Variants in PXN observed in about 807,000 individuals in gnomAD.
PXN encodes testicular tissue protein Li 134.
PXN carries 61 observed loss-of-function variants against 103.6 expected under a neutral mutation model. That is an observed-to-expected ratio of 0.59 (90% CI 0.48 to 0.73). PXN has a LOEUF of 0.73. PXN is among the 30% of genes least tolerant of loss of function. The pLI is 0.00. For synonymous variants in PXN, 562 were observed against 607.8 expected (o/e 0.92, Z 1.11); for missense variants, 1,274 against 1,460.3 (o/e 0.87, Z 2.08).
intron 1 of PXN, among the ~76,000 whole-genome samples, chr12:120,258,099 A>G (rs1893302935): frequency 6.6e-6 from 1 of 152,058 alleles, no homozygotes; most frequent in Non-Finnish European, 1.5e-5. Context: ...AGGCTGAGGC[A>G]CAAGAATCAC....
chr12:120,215,734 G>A lies in PXN; in HGVS notation c.2302-73C>T. 2.1e-6 allele frequency: 3 copies of A among 1,437,662 alleles called. No homozygotes were observed. The highest frequency in any genetic ancestry group is 1.9e-6 in the Non-Finnish European group (2 of 1,076,798). The allele number at this position is 1,437,662 out of a possible 1,614,324, so 89.1% of individuals were successfully genotyped here. On this transcript the variant is annotated intron_variant, in intron 9 of 14. Transcript: ENST00000637617. The surrounding 1 kb of genome is among the most constrained non-coding windows in gnomAD (Gnocchi z 4.9). Reference sequence around the variant, plus strand: ...AGAAAGAATACAAGACCTTGTCACTGGACTAAAAGGGAATCTAGGATGAGA... The same window carrying A: ...AGAAAGAATACAAGACCTTGTCACTAGACTAAAAGGGAATCTAGGATGAGA...
Position 120,265,139 on chromosome 12 carries a change from G to A in PXN, c.13+478C>T, listed in dbSNP as rs775674672. ...GGGGGCGGCCCTGGAGGGACGGGGA[G>A]CAGGTCGAGGAAATGAGGGAGCAGC... On this transcript the variant is annotated intron_variant, in intron 1 of 14. Transcript: ENST00000637617. This position sits in a 1 kb window ranked among gnomAD's most constrained non-coding sequence, Gnocchi z 5.7. Among the ~76,000 whole-genome samples the A allele has an allele frequency of 6.6e-6, 1 of 151,588 alleles. No individual in the cohort carries two copies. The highest frequency in any genetic ancestry group is 1.5e-5 in the Non-Finnish European group (1 of 67,902).
At chr12:120,246,857 A>T (rs1056294437) in intron 1 of PXN, among the ~76,000 whole-genome samples, 2 of 150,546 alleles carry the variant, frequency 1.3e-5, no homozygotes, top group African/African-American at 4.9e-5. Context: ...TCTGTCTTAA[A>T]AAAAAAAAAA....
chr12:120,258,925 C>T (rs1015357343), intron 1 of PXN, among the ~76,000 whole-genome samples: 1 of 151,562 alleles, frequency 6.6e-6, no homozygotes, highest in Non-Finnish European at 1.5e-5. Flanking sequence ...AAAAATTAGC[C>T]AGGCGTGGTG....
rs750672632 is a variant in PXN at position 120,217,126 on chromosome 12, G to GGGGGA, written c.1717-15_1717-11dup. ...TGATCACAGATCGGATCTAGGGGGA[G>GGGGGA]GGGGAGGGGAGGCTGTCACCGTCCC... On this transcript the variant is annotated splice_polypyrimidine_tract_variant and intron_variant, in intron 7 of 14. Transcript: ENST00000637617. The surrounding 1 kb of genome is among the most constrained non-coding windows in gnomAD (Gnocchi z 4.1). 1.9e-6 allele frequency: 3 copies of GGGGGA among 1,573,578 alleles called. No homozygotes were observed. Among genetic ancestry groups the GGGGGA allele is most frequent in the Non-Finnish European group, 2.6e-6 (3 of 1,167,280 alleles).
At position 120,229,900 on chromosome 12, in the gene PXN, C is replaced by T. The variant is rs901325505; in HGVS notation, c.14-5523G>A. On this transcript the variant is annotated intron_variant, in intron 1 of 14. Transcript: ENST00000637617. The surrounding 1 kb of genome is among the most constrained non-coding windows in gnomAD (Gnocchi z 4.0). ...TGCCACACCAGCCCCAGCGCCAGGG[C>T]CCCGTGGTCCCTGCCCACCTTTGCC... Among the ~76,000 whole-genome samples the T allele has an allele frequency of 1.1e-4, 16 of 152,188 alleles. No individual in the cohort carries two copies. The highest frequency in any genetic ancestry group is 3.9e-4 in the African/African-American group (16 of 41,436).
chr12:120,230,582 T>C (rs925866597), intron 1 of PXN, among the ~76,000 whole-genome samples: 1 of 152,234 alleles, frequency 6.6e-6, no homozygotes, highest in African/African-American at 2.4e-5. Context: ...TTGGTGAGAC[T>C]CTTCCAGATT....
chr12:120,224,240 G>C lies in PXN; in HGVS notation c.151C>G (p.Pro51Ala). 1 of 1,612,182 alleles carries C rather than the reference G, an allele frequency of 6.2e-7. No individual in the cohort carries two copies. The change falls in exon 2 of 15, where the codon CCA becomes GCA. Residue 51 changes from proline to alanine, a missense_variant. Physicochemically the swap from Pro to Ala is conservative, Grantham distance 27. Transcript: ENST00000637617. The surrounding 1 kb of genome is among the most constrained non-coding windows in gnomAD (Gnocchi z 5.0). Reference sequence around the variant, plus strand: ...TTGAGGGCCTCGCTGGACGGGGGTGGGGGGACGGGGGGTGGCACGGCAATC... The same window carrying C: ...TTGAGGGCCTCGCTGGACGGGGGTGCGGGGACGGGGGGTGGCACGGCAATC... ...QEIAVPPPVPPPPSSEALNGT... is the reference protein window; with the variant it reads ...QEIAVPPPVPAPPSSEALNGT...
In PXN at chr12:120,220,881, G is replaced by T. The variant is rs1884929907; in HGVS notation, c.831+742C>A. ...CATATTCCCTAGGTCATGCCCCAAA[G>T]GTCTCCAGCTGACCCACGTGGAAGT... On this transcript the variant is annotated intron_variant, in intron 6 of 14. Transcript: ENST00000637617. The surrounding 1 kb of genome is among the most constrained non-coding windows in gnomAD (Gnocchi z 6.1). Among the ~76,000 whole-genome samples, 1 of 152,188 alleles carries T rather than the reference G, an allele frequency of 6.6e-6. No individual in the cohort carries two copies. Among genetic ancestry groups the T allele is most frequent in the Non-Finnish European group, 1.5e-5 (1 of 68,038 alleles).
At chr12:120,251,924 T>C (rs1892258765) in intron 1 of PXN, among the ~76,000 whole-genome samples, 1 of 152,142 alleles carries the variant, frequency 6.6e-6, no homozygotes. Context: ...ACGATAACCA[T>C]CACCAGTTAC....
chr12:120,243,514 A>G lies in PXN; in HGVS notation c.14-19137T>C, dbSNP rs576145176. ...AGACCAGACTGGGCAACACAGCAAG[A>G]CCCTGTCTCTACAAAAAATTTTTAA... On this transcript the variant is annotated intron_variant, in intron 1 of 14. Coordinates refer to ENST00000637617, the MANE Select transcript of PXN (RefSeq NM_001385981.1). 2.0e-5 allele frequency among the ~76,000 whole-genome samples: 3 copies of G among 152,250 alleles called. No homozygotes were observed. In the East Asian group the frequency reaches 5.8e-4, roughly 29 times the overall value.
At chr12:120,241,729 C>T (rs535816770) in intron 1 of PXN, among the ~76,000 whole-genome samples, 13 of 152,274 alleles carry the variant, frequency 8.5e-5, no homozygotes, top group South Asian at 6.2e-4. Flanking sequence ...GCTCAGAGTG[C>T]AAGTCCCAGC....
chr12:120,253,758 A>G (rs539351783), intron 1 of PXN, among the ~76,000 whole-genome samples: 1 of 152,380 alleles, frequency 6.6e-6, no homozygotes, highest in South Asian at 2.1e-4. Context: ...CAGCCTTAAA[A>G]AGGGAGATTC....
In PXN at chr12:120,222,879, C is replaced by A. The variant is rs374969563; in HGVS notation, c.477G>T (p.Pro159=). Residue 159 remains proline, a synonymous_variant, in exon 4 of 15, where the codon CCG becomes CCT. Transcript: ENST00000637617. This position sits in a 1 kb window ranked among gnomAD's most constrained non-coding sequence, Gnocchi z 4.7. ...CGGTCCTACCTGCAGGGAAGCCTGG[C>A]GGGTTATGCTGTACAGCGTTCAGTT... ...LLELNAVQHN[P]PGFPADEANS... 9.3e-6 allele frequency: 15 copies of A among 1,613,634 alleles called. No homozygotes were observed. Among genetic ancestry groups the A allele is most frequent in the East Asian group, 4.5e-5 (2 of 44,868 alleles).
In PXN at chr12:120,212,537, T is replaced by A; in HGVS notation, c.3023A>T (p.Asp1008Val). ...PFVNGSFFEH[D>V]GQPYCEVHYH... ...GTGCACCTCACAGTAGGGCTGCCCGTCGTGCTCGAAGAAGCTGCCGTTCAC... is the reference window on the plus strand; with the variant it reads ...GTGCACCTCACAGTAGGGCTGCCCGACGTGCTCGAAGAAGCTGCCGTTCAC... The change falls in exon 15 of 15, where the codon GAC (aspartate) becomes GTC (valine). Residue 1008 changes from aspartate (D) to valine (V), a missense_variant. Asp to Val is a radical substitution (Grantham distance 152). Around this residue, in one of 2 missense-constraint regions of PXN, gnomAD observed 96 missense variants for 151.3 expected, o/e 0.63. Coordinates refer to ENST00000637617, the MANE Select transcript of PXN (RefSeq NM_001385981.1). This position sits in a 1 kb window ranked among gnomAD's most constrained non-coding sequence, Gnocchi z 7.2. 3.7e-6 allele frequency: 6 copies of A among 1,613,590 alleles called. No individual in the cohort carries two copies. The highest frequency in any genetic ancestry group is 5.1e-6 in the Non-Finnish European group (6 of 1,179,670).
Position 120,219,200 on chromosome 12 carries a change from T to A in PXN, c.1716+7A>T. ...CATGCCCAGCAGCCATGCGAGCTGG[T>A]GCCTGCCTGGCCAGAGGTGGAAATC... On this transcript the variant is annotated splice_region_variant and intron_variant, in intron 7 of 14. Transcript: ENST00000637617. The surrounding 1 kb of genome is among the most constrained non-coding windows in gnomAD (Gnocchi z 6.5). 1 of 1,558,822 alleles carries A rather than the reference T, an allele frequency of 6.4e-7. No homozygotes were observed. Among genetic ancestry groups the A allele is most frequent in the South Asian group, 1.1e-5 (1 of 87,042 alleles).
intron 1 of PXN, among the ~76,000 whole-genome samples, chr12:120,241,371 A>G (rs971961442): frequency 6.6e-6 from 1 of 152,220 alleles, no homozygotes; most frequent in African/African-American, 2.4e-5. Flanking sequence ...TTCAGGAGGC[A>G]CAAAACAGAT....
At chr12:120,223,253 C>A (rs995477816) in intron 3 of PXN, among the ~76,000 whole-genome samples, 7 of 151,862 alleles carry the variant, frequency 4.6e-5, no homozygotes, top group African/African-American at 1.7e-4. Context: ...ACCATCCTGG[C>A]TAACACGGTG....
At chr12:120,241,170 T>C (rs889080117) in intron 1 of PXN, among the ~76,000 whole-genome samples, 24 of 152,152 alleles carry the variant, frequency 1.6e-4, no homozygotes, top group African/African-American at 5.8e-4. Flanking sequence ...ACCACTGCCA[T>C]GGGCAGGCCT....
Sources: allele counts gnomAD v4.1 joint callset (sites outside exome capture counted in the v4.1 genomes callset), GRCh38; gene constraint gnomAD v4.1.1; regional missense constraint gnomAD v4.1.1; non-coding constraint Gnocchi (gnomAD v3.1); transcripts MANE v1.5; gene names NCBI Gene and HGNC (gene_info 2026-07-23, HGNC 2026-07-21).